RHCE: variants seen among roughly 807,000 people sequenced by gnomAD.
RHCE encodes Rh blood group CcEe antigens.
In RHCE, 22 loss-of-function variants were observed where a neutral mutation model predicts 43.8. The ratio of observed to expected loss-of-function variants is 0.50; its 90% CI spans 0.36 to 0.72. The LOEUF is 0.72. Ranked by LOEUF, RHCE falls within the 30% of genes least tolerant of loss-of-function variation. RHCE has a pLI of 0.00. For missense variants in RHCE, 385 were observed against 525.4 expected (o/e 0.73, Z 2.61); for synonymous variants, 156 against 210.7 (o/e 0.74, Z 2.25).
intron 2 of RHCE, among the ~76,000 whole-genome samples, chr1:25,407,623 G>T (rs1646955350): frequency 8.1e-6 from 1 of 123,622 alleles, no homozygotes; most frequent in Non-Finnish European, 1.8e-5. Flanking sequence ...ACCATCATCT[G>T]GGGAGCTGAG....
intron 1 of RHCE, among the ~76,000 whole-genome samples, chr1:25,415,622 C>T (rs1164291688): frequency 6.6e-6 from 1 of 152,116 alleles, no homozygotes; most frequent in Non-Finnish European, 1.5e-5. Context: ...ACTGCACTCC[C>T]CTGGGCAATA....
rs968379757 is a variant in RHCE at position 25,391,060 on chromosome 1, G to T, written c.635-145C>A. ...GATGGGGAAGTCACGTCTCCCCTCCGAGCTCTCAAGCTGATACCAGCTAAC... is the reference window on the plus strand; with the variant it reads ...GATGGGGAAGTCACGTCTCCCCTCCTAGCTCTCAAGCTGATACCAGCTAAC... On this transcript the variant is annotated intron_variant, in intron 4 of 9. Coordinates refer to ENST00000294413, the MANE Select transcript of RHCE (RefSeq NM_020485.8). The T allele has an allele frequency of 8.1e-6, 9 of 1,111,258 alleles. No individual in the cohort carries two copies. The East Asian group carries it at 1.7e-4, about 21-fold the overall frequency. The allele number at this position is 1,111,258 out of a possible 1,614,324, so 68.8% of individuals were successfully genotyped here. A position where few individuals can be genotyped will look rare whatever the true frequency, so the allele number is the denominator to read the frequency against.
At chr1:25,390,005 TCATCTGTGGC>T (rs1336760167) in intron 5 of RHCE, among the ~76,000 whole-genome samples, 1 of 152,090 alleles carries the variant, frequency 6.6e-6, no homozygotes, top group African/African-American at 2.4e-5. Context: ...TGTGAAGCTG[TCATCTGTGGC>T]CACATTCTTT....
intron 1 of RHCE, among the ~76,000 whole-genome samples, chr1:25,418,628 G>A (rs907103164): frequency 3.0e-4 from 46 of 152,196 alleles, no homozygotes; most frequent in African/African-American, 1.0e-3. Flanking sequence ...TAGGCTACAG[G>A]GCAATGCAAT....
chr1:25,423,480 C>T (rs1445286979), upstream of RHCE, among the ~76,000 whole-genome samples: 3 of 152,330 alleles, frequency 2.0e-5, no homozygotes, highest in Admixed American at 6.5e-5. Context: ...AATCCCTGTG[C>T]GTCCTGATCC....
chr1:25,373,576 T>A (rs1645680642), intron 8 of RHCE, among the ~76,000 whole-genome samples: 2 of 151,834 alleles, frequency 1.3e-5, no homozygotes, highest in African/African-American at 2.4e-5. Context: ...AACTCCAAAA[T>A]GTACCTCCAT....
chr1:25,415,060 C>T (rs927585890), intron 1 of RHCE, among the ~76,000 whole-genome samples: 3 of 152,134 alleles, frequency 2.0e-5, no homozygotes, highest in Non-Finnish European at 4.4e-5. Context: ...TCCTCACAAC[C>T]TGTCCCTCCC....
Position 25,411,528 on chromosome 1 carries a change from A to G in RHCE, c.149-2659T>C, listed in dbSNP as rs2124512723. On this transcript the variant is annotated intron_variant, in intron 1 of 9. Transcript: ENST00000294413. ...ACTGACATTTCCAAATCAACCTGAC[A>G]CCACCAGGATATAGGAGACCCCCAA... The G allele has an allele frequency of 3.4e-6, 5 of 1,479,828 alleles. No individual in the cohort carries two copies. In the East Asian group the frequency reaches 1.0e-4, roughly 30 times the overall value. The allele number at this position is 1,479,828 out of a possible 1,614,324, so 91.7% of individuals were successfully genotyped here.
chr1:25,372,760 A>G (rs1359217273), intron 8 of RHCE, among the ~76,000 whole-genome samples: 1 of 151,660 alleles, frequency 6.6e-6, no homozygotes, highest in Non-Finnish European at 1.5e-5. Flanking sequence ...ATTTGGTGCA[A>G]TTTTGGCTTC....
chr1:25,368,755 G>A (rs568586538), intron 9 of RHCE, among the ~76,000 whole-genome samples: 2 of 148,806 alleles, frequency 1.3e-5, no homozygotes, highest in South Asian at 2.2e-4. Context: ...CTTTAAATAT[G>A]TACAATTGTT....
At chr1:25,426,577 T>C (rs2042806779) in intron 2 of RHCE, among the ~76,000 whole-genome samples, 1 of 152,212 alleles carries the variant, frequency 6.6e-6, no homozygotes. Context: ...CTCTATCTCA[T>C]AGGATTGTTG....
chr1:25,424,877 C>G (rs2042793628), upstream of RHCE, among the ~76,000 whole-genome samples: 1 of 151,892 alleles, frequency 6.6e-6, no homozygotes, highest in Non-Finnish European at 1.5e-5. Flanking sequence ...AATGCAGTGG[C>G]ACGATCTTGG....
intron 1 of RHCE, chr1:25,411,258 A>G (rs1647066945): frequency 2.0e-6 from 3 of 1,518,348 alleles, no homozygotes; most frequent in Non-Finnish European, 2.7e-6. Context: ...TGTTTAGTAC[A>G]GTGCCTAGCA....
rs138441784 is a variant in RHCE at position 25,407,837 on chromosome 1, C to A, written c.335+846G>T. Among the ~76,000 whole-genome samples, 14 of 122,850 alleles carry A rather than the reference C, an allele frequency of 1.1e-4. 2 individuals carry two copies. The highest frequency in any genetic ancestry group is 3.3e-4 in the African/African-American group (13 of 39,376). 80.6% of individuals were successfully genotyped at this position (122,850 alleles called of 152,430 possible). A position where few individuals can be genotyped will look rare whatever the true frequency, so the allele number is the denominator to read the frequency against. On this transcript the variant is annotated intron_variant, in intron 2 of 9. Coordinates refer to ENST00000294413, the MANE Select transcript of RHCE (RefSeq NM_020485.8). ...AATATCCACCTCCTGCCCAGGTAACCACTATTCTGACTTCTGGCACCATAC... is the reference window on the plus strand; with the variant it reads ...AATATCCACCTCCTGCCCAGGTAACAACTATTCTGACTTCTGGCACCATAC...
intron 6 of RHCE, 103 bp from the exon 7 acceptor site, chr1:25,385,947 G>C: frequency 6.5e-7 from 1 of 1,544,318 alleles, no homozygotes; most frequent in Non-Finnish European, 8.9e-7. Flanking sequence ...AATGGGGATG[G>C]GCACTAAGGC....
At chr1:25,423,554 A>T (rs1380098237), upstream of RHCE, among the ~76,000 whole-genome samples, 5 of 152,242 alleles carry the variant, frequency 3.3e-5, no homozygotes, top group Non-Finnish European at 7.3e-5. Flanking sequence ...CTCGCAGAAC[A>T]GAAATGCTTT....
At chr1:25,411,340 C>T (rs537028214) in intron 1 of RHCE, 1 of 1,550,540 alleles carries the variant, frequency 6.4e-7, no homozygotes, top group South Asian at 1.2e-5. Context: ...AGGAACTCAC[C>T]TGCCACTGGT....
At chr1:25,376,340 G>T (rs376836505) in intron 7 of RHCE, among the ~76,000 whole-genome samples, 2 of 152,312 alleles carry the variant, frequency 1.3e-5, no homozygotes, top group Admixed American at 6.5e-5. Context: ...CTGCCAGCCC[G>T]TTCACTGCAG....
chr1:25,376,392 T>C (rs1382873203), intron 7 of RHCE, among the ~76,000 whole-genome samples: 1 of 152,212 alleles, frequency 6.6e-6, no homozygotes, highest in African/African-American at 2.4e-5. Flanking sequence ...TTTTTAAGCC[T>C]TTCCTATTTC....
Sources: gnomAD v4.1 joint callset for allele counts (sites outside exome capture counted in the v4.1 genomes callset) on GRCh38, gnomAD v4.1.1 for gene constraint, MANE v1.5 for transcripts, NCBI Gene and HGNC (gene_info 2026-07-23, HGNC 2026-07-21) for gene names.